Variants in VPS13C observed in about 807,000 individuals in gnomAD.
VPS13C encodes the protein intermembrane lipid transfer protein VPS13C.
Under a neutral mutation model 456.8 loss-of-function variants are expected in VPS13C, and 358 were observed. The ratio of observed to expected loss-of-function variants is 0.78; its 90% CI spans 0.72 to 0.86. The LOEUF is 0.86. Among genes scored for constraint, VPS13C ranks in the 40% least tolerant of loss-of-function variants. The probability of loss-of-function intolerance (pLI) is 0.00; values close to 1 mark genes in which losing one functional copy is unlikely to be tolerated. For missense variants in VPS13C, 4,818 were observed against 4,385.4 expected (o/e 1.10, Z -2.79); for synonymous variants, 1,578 against 1,486.7 (o/e 1.06, Z -1.41).
intron 5 of VPS13C, among the ~76,000 whole-genome samples, chr15:62,028,743 T>C (rs2047720457): frequency 6.6e-6 from 1 of 152,022 alleles, no homozygotes; most frequent in African/African-American, 2.4e-5. Flanking sequence ...AATCCACTAT[T>C]TTGGTTCTCT....
At chr15:61,929,778 A>T (rs1472526703) in intron 50 of VPS13C, 30 bp from the exon 51 acceptor site, 7 of 1,579,548 alleles carry the variant, frequency 4.4e-6, no homozygotes, top group Non-Finnish European at 6.0e-6. Context: ...TCATTATTTT[A>T]TTCTTGCTAA....
At chr15:62,033,583 TAATA>T (rs1178491589) in intron 4 of VPS13C, 41 bp from the exon 5 acceptor site, 6 of 1,401,774 alleles carry the variant, frequency 4.3e-6, no homozygotes, top group Admixed American at 4.3e-5. Context: ...TAAATGGAAT[TAATA>T]AATAAACAAA....
intron 81 of VPS13C, 30 bp downstream of exon 81, chr15:61,868,629 T>G: frequency 6.3e-7 from 1 of 1,591,552 alleles, no homozygotes; most frequent in South Asian, 1.1e-5. Flanking sequence ...AAATTCCATT[T>G]CACTCGTGAC....
At position 61,958,588 on chromosome 15, in the gene VPS13C, A is replaced by G; in HGVS notation, c.4165+20T>C. Reference sequence around the variant, plus strand: ...TAAATAGACACATATGTATATTGCCACTTACTGTCAGCCTCTTACCTGTCT... The same window carrying G: ...TAAATAGACACATATGTATATTGCCGCTTACTGTCAGCCTCTTACCTGTCT... On this transcript the variant is annotated intron_variant, in intron 37 of 84. Coordinates refer to ENST00000644861, the MANE Select transcript of VPS13C (RefSeq NM_020821.3). 1 of 1,352,758 alleles carries G rather than the reference A, an allele frequency of 7.4e-7. No individual in the cohort carries two copies. Among genetic ancestry groups the G allele is most frequent in the Non-Finnish European group, 1.0e-6 (1 of 969,304 alleles). The allele number at this position is 1,352,758 out of a possible 1,614,324, so 83.8% of individuals were successfully genotyped here.
chr15:61,964,557 CA>C (rs1338960812), intron 31 of VPS13C, 141 bp downstream of exon 31: 1 of 756,092 alleles, frequency 1.3e-6, no homozygotes, highest in Admixed American at 3.2e-5. Context: ...CCTTATACAT[CA>C]GGTGCTCGCA....
intron 64 of VPS13C, 125 bp from the exon 65 acceptor site, chr15:61,909,250 C>G (rs971212272): frequency 8.2e-7 from 1 of 1,226,216 alleles, no homozygotes; most frequent in Non-Finnish European, 1.1e-6. Flanking sequence ...TGCTGTCACC[C>G]AGGCTGGAGT....
intron 47 of VPS13C, among the ~76,000 whole-genome samples, chr15:61,937,066 G>GTC (rs1233907474): frequency 6.6e-6 from 1 of 151,932 alleles, no homozygotes; most frequent in Non-Finnish European, 1.5e-5. Context: ...TCTCCATTCT[G>GTC]TCTCTCTCTC....
chr15:61,951,940 C>T lies in VPS13C; in HGVS notation c.4340G>A (p.Arg1447Lys), dbSNP rs2044810756. The change falls in exon 39 of 85, where the codon AGG becomes AAG. Residue 1447 changes from arginine to lysine, a missense_variant. Arg to Lys is a conservative substitution (Grantham distance 26). Coordinates refer to ENST00000644861, the MANE Select transcript of VPS13C (RefSeq NM_020821.3). ...CAGGACATTTAGCTCATGTAAAGGC[C>T]TTCCTTTCTTTTCTGATTTTTTCAT... is the stretch of plus-strand genomic sequence containing the variant. Reference protein sequence around the residue: ...TLMKKSEKKGRPLHELNVLQL... With the variant: ...TLMKKSEKKGKPLHELNVLQL... 6.2e-7 allele frequency: 1 copy of T among 1,613,114 alleles called. No homozygotes were observed. Among genetic ancestry groups the T allele is most frequent in the Non-Finnish European group, 8.5e-7 (1 of 1,179,522 alleles).
At chr15:62,019,554 G>A (rs2047381659) in intron 9 of VPS13C, among the ~76,000 whole-genome samples, 1 of 152,154 alleles carries the variant, frequency 6.6e-6, no homozygotes, top group Non-Finnish European at 1.5e-5. Flanking sequence ...GCACCCAGTA[G>A]TCATTCAGGA....
intron 49 of VPS13C, among the ~76,000 whole-genome samples, chr15:61,931,624 C>G (rs1248982250): frequency 6.7e-6 from 1 of 149,324 alleles, no homozygotes; most frequent in Non-Finnish European, 1.5e-5. Flanking sequence ...GTCGCCCAGG[C>G]TGGAGTGCAG....
chr15:62,060,241 G>T (rs764744607), intron 1 of VPS13C, 34 bp downstream of exon 1: 2 of 1,353,850 alleles, frequency 1.5e-6, no homozygotes, highest in African/African-American at 1.5e-5. Flanking sequence ...GGCCCTCAGC[G>T]CCCGCAGCCC....
chr15:62,012,924 G>T, intron 11 of VPS13C, 115 bp downstream of exon 11: 1 of 573,542 alleles, frequency 1.7e-6, no homozygotes, highest in Non-Finnish European at 2.9e-6. Flanking sequence ...TTCTGATTTA[G>T]TGAAATACAA....
At chr15:62,005,176 C>G (rs542039103) in intron 15 of VPS13C, among the ~76,000 whole-genome samples, 23 of 152,218 alleles carry the variant, frequency 1.5e-4, no homozygotes, top group Non-Finnish European at 3.2e-4. Flanking sequence ...GTAGGTCACT[C>G]AGGACTTGCT....
intron 34 of VPS13C, among the ~76,000 whole-genome samples, chr15:61,962,134 A>G (rs2045229213): frequency 6.6e-6 from 1 of 152,182 alleles, no homozygotes; most frequent in South Asian, 2.1e-4. Context: ...AATAATTTTT[A>G]TACTAAAGAA....
intron 18 of VPS13C, among the ~76,000 whole-genome samples, chr15:61,989,819 T>C (rs1459700643): frequency 6.6e-6 from 1 of 152,210 alleles, no homozygotes; most frequent in African/African-American, 2.4e-5. Flanking sequence ...GAAGCAATAA[T>C]TATCCTCGCA....
intron 15 of VPS13C, among the ~76,000 whole-genome samples, chr15:62,006,984 AC>A (rs2046872006): frequency 1.3e-5 from 2 of 152,192 alleles, no homozygotes; most frequent in Non-Finnish European, 2.9e-5. Flanking sequence ...ATGTTTACTA[AC>A]AAAACAAGAT....
rs1415891396 is a variant in VPS13C at position 61,949,557 on chromosome 15, A to C, written c.4645T>G (p.Ser1549Ala). 4.3e-6 allele frequency: 7 copies of C among 1,612,416 alleles called. No individual in the cohort carries two copies. Among genetic ancestry groups the C allele is most frequent in the African/African-American group, 1.3e-5 (1 of 74,922 alleles). Residue 1549 changes from serine to alanine, a missense_variant, in exon 42 of 85, where the codon TCC becomes GCC. Physicochemically the swap from Ser to Ala is moderately conservative, Grantham distance 99. Transcript: ENST00000644861. ...GCAGATGATAAAAAATCCATGAAGG[A>C]AAGTAAAGCTTCCAAATGAAGTACT... ...DLVLHLEALL[S>A]FMDFLSSAAP... is the part of the protein sequence containing the mutation.
At chr15:61,894,123 T>C (rs1197618576) in intron 66 of VPS13C, among the ~76,000 whole-genome samples, 2 of 151,952 alleles carry the variant, frequency 1.3e-5, no homozygotes, top group Non-Finnish European at 2.9e-5. Flanking sequence ...CTGGCCAACA[T>C]GGTGAAACCC....
At chr15:61,993,945 T>C (rs896182256) in intron 16 of VPS13C, among the ~76,000 whole-genome samples, 4 of 151,972 alleles carry the variant, frequency 2.6e-5, no homozygotes, top group Admixed American at 6.6e-5. Flanking sequence ...TGTAAACCTA[T>C]AGTTATTTCA....
Sources: gnomAD v4.1 joint callset for allele counts (sites outside exome capture counted in the v4.1 genomes callset) on GRCh38, gnomAD v4.1.1 for gene constraint, MANE v1.5 for transcripts, NCBI Gene and HGNC (gene_info 2026-07-23, HGNC 2026-07-21) for gene names.